Variants in PSIP1 observed in about 807,000 individuals in gnomAD.
PSIP1 encodes PC4 and SFRS1-interacting protein.
In PSIP1, 19 loss-of-function variants were observed where a neutral mutation model predicts 74.7. The ratio of observed to expected loss-of-function variants is 0.25; its 90% CI spans 0.18 to 0.37. PSIP1 has a LOEUF of 0.37. Ranked by LOEUF, PSIP1 falls within the 10% of genes least tolerant of loss-of-function variation. PSIP1 has a pLI of 1.00. For missense variants in PSIP1, 601 were observed against 614.3 expected (o/e 0.98, Z 0.23); for synonymous variants, 222 against 195.3 (o/e 1.14, Z -1.14).
At chr9:15,468,596 AC>A in intron 14 of PSIP1, 33 bp downstream of exon 14, 1 of 1,592,608 alleles carries the variant, frequency 6.3e-7, no homozygotes, top group South Asian at 1.1e-5. Flanking sequence ...TGGTTTAAAA[AC>A]TGGTGTGAAA....
intron 4 of PSIP1, chr9:15,489,376 G>A (rs919674229): frequency 6.6e-6 from 1 of 152,126 alleles, no homozygotes; most frequent in African/African-American, 2.4e-5. Context: ...GGGAGGCTGA[G>A]GTGGGTGGAT....
chr9:15,480,482 T>C (rs2132090041), intron 6 of PSIP1, among the ~76,000 whole-genome samples: 1 of 152,344 alleles, frequency 6.6e-6, no homozygotes, highest in African/African-American at 2.4e-5. Flanking sequence ...TCATCAATGA[T>C]TTGTAAACAT....
chr9:15,469,929 A>T lies in PSIP1; in HGVS notation c.1033+9T>A, dbSNP rs147853505. ...AATTTTATGTATCTTAGAAAGTGAA[A>T]TAACTAACCTCGCTTCTTCTCCACT... On this transcript the variant is annotated intron_variant, in intron 11 of 15. Coordinates refer to ENST00000380733, the MANE Select transcript of PSIP1 (RefSeq NM_033222.5). 3 of 1,601,706 alleles carry T rather than the reference A, an allele frequency of 1.9e-6. No homozygotes were observed. The highest frequency in any genetic ancestry group is 1.3e-5 in the African/African-American group (1 of 74,808).
chr9:15,495,130 C>T (rs1326353326), intron 3 of PSIP1, among the ~76,000 whole-genome samples: 1 of 152,060 alleles, frequency 6.6e-6, no homozygotes, highest in Non-Finnish European at 1.5e-5. Context: ...AATTTAAAAT[C>T]CCCAAAGGGC....
At chr9:15,498,280 G>A (rs1329191129) in intron 3 of PSIP1, among the ~76,000 whole-genome samples, 1 of 152,140 alleles carries the variant, frequency 6.6e-6, no homozygotes, top group Non-Finnish European at 1.5e-5. Flanking sequence ...GCCAGCCGTG[G>A]TGGCGTGCAC....
chr9:15,479,837 CAA>C (rs1474519929), intron 6 of PSIP1, 150 bp from the exon 7 acceptor site: 3 of 492,954 alleles, frequency 6.1e-6, no homozygotes, highest in South Asian at 4.0e-5. Context: ...ACAATCAACT[CAA>C]GAGTAACATC....
rs1214439096 is a variant in PSIP1, at chr9:15,466,742, C to A, written c.1532+6G>T. On this transcript the variant is annotated splice_donor_region_variant and intron_variant, in intron 15 of 15. Transcript: ENST00000380733. The stretch of plus-strand genomic sequence containing the variant: ...CACACAAGACCCATTAAAACCTATT[C>A]CTCACTTTTTCTTCGTGCTGGCTTC... 1 of 1,601,542 alleles carries A rather than the reference C, an allele frequency of 6.2e-7. No homozygotes were observed. Among genetic ancestry groups the A allele is most frequent in the Non-Finnish European group, 8.5e-7 (1 of 1,173,304 alleles).
intron 4 of PSIP1, among the ~76,000 whole-genome samples, chr9:15,488,501 A>G (rs1434893969): frequency 6.6e-6 from 1 of 152,212 alleles, no homozygotes; most frequent in Non-Finnish European, 1.5e-5. Context: ...AAGACCTCTC[A>G]TAGCCCTCTG....
At chr9:15,510,086 C>CT (rs758702435) in intron 2 of PSIP1, 31 bp downstream of exon 2, 31 of 1,594,392 alleles carry the variant, frequency 1.9e-5, no homozygotes, top group Non-Finnish European at 2.7e-5. Context: ...GAGGGTAGCA[C>CT]TGCTAAGCGC....
chr9:15,500,146 C>T (rs1218855555), intron 3 of PSIP1, among the ~76,000 whole-genome samples: 3 of 152,120 alleles, frequency 2.0e-5, no homozygotes, highest in Non-Finnish European at 2.9e-5. Context: ...TATGCACGCA[C>T]TATTTCTCAT....
At chr9:15,478,268 CAA>C (rs1166406970) in intron 8 of PSIP1, among the ~76,000 whole-genome samples, 6 of 151,304 alleles carry the variant, frequency 4.0e-5, no homozygotes, top group East Asian at 1.9e-4. Flanking sequence ...TTGATATACC[CAA>C]GAGTCTTAAT....
chr9:15,494,663 T>G (rs2036993562), intron 3 of PSIP1, among the ~76,000 whole-genome samples: 1 of 151,770 alleles, frequency 6.6e-6, no homozygotes, highest in South Asian at 2.1e-4. Flanking sequence ...TTCTGTAACA[T>G]TCATTGTATC....
chr9:15,476,435 T>C (rs2036081806), intron 8 of PSIP1, among the ~76,000 whole-genome samples: 1 of 152,158 alleles, frequency 6.6e-6, no homozygotes, highest in African/African-American at 2.4e-5. Context: ...AATAGAATAC[T>C]GGTAGCGTGA....
intron 8 of PSIP1, among the ~76,000 whole-genome samples, chr9:15,477,091 T>G (rs1403155165): frequency 6.6e-6 from 1 of 152,180 alleles, no homozygotes; most frequent in Non-Finnish European, 1.5e-5. Context: ...GATCTCACAG[T>G]ATTTTCCCAG....
intron 10 of PSIP1, chr9:15,471,843 T>C (rs2035845149): frequency 2.1e-6 from 2 of 967,816 alleles, no homozygotes; most frequent in South Asian, 9.5e-5. Context: ...GAGCATGTTT[T>C]AAAAATCACC....
intron 10 of PSIP1, chr9:15,471,858 TA>T (rs2035845546): frequency 3.1e-6 from 3 of 976,426 alleles, no homozygotes; most frequent in South Asian, 4.7e-5. Context: ...ATCACCTCAC[TA>T]AAACAACAAC....
At chr9:15,488,454 T>C (rs923310277) in intron 4 of PSIP1, among the ~76,000 whole-genome samples, 1 of 152,336 alleles carries the variant, frequency 6.6e-6, no homozygotes, top group East Asian at 1.9e-4. Flanking sequence ...AGAGGACGTT[T>C]ATTGATGAAA....
Position 15,509,654 on chromosome 9 carries a change from G to C in PSIP1, c.72+463C>G, listed in dbSNP as rs544525968. ...ATCCAGAAGGCCTCATCAAGTACAA[G>C]GTATTTTTTTTAAAACCCTGTAAAT... On this transcript the variant is annotated intron_variant, in intron 2 of 15. Transcript: ENST00000380733. 3.9e-5 allele frequency among the ~76,000 whole-genome samples: 6 copies of C among 152,256 alleles called. No individual in the cohort carries two copies. The East Asian group carries it at 1.2e-3, about 29-fold the overall frequency.
chr9:15,501,026 G>T (rs1196696418), intron 3 of PSIP1, among the ~76,000 whole-genome samples: 1 of 152,092 alleles, frequency 6.6e-6, no homozygotes, highest in African/African-American at 2.4e-5. Flanking sequence ...GCCAAGCATT[G>T]TTCTAAGCAT....
Sources: gnomAD v4.1 joint callset for allele counts (sites outside exome capture counted in the v4.1 genomes callset) on GRCh38, gnomAD v4.1.1 for gene constraint, MANE v1.5 for transcripts, NCBI Gene and HGNC (gene_info 2026-07-23, HGNC 2026-07-21) for gene names.